The following EPHA6 variants were observed in gnomAD, a reference collection of about 807,000 sequenced individuals.
EPHA6 encodes ephrin type-A receptor 6.
In EPHA6, 50 loss-of-function variants were observed where a neutral mutation model predicts 112.0. The ratio of observed to expected loss-of-function variants is 0.45; its 90% CI spans 0.36 to 0.56. The LOEUF is 0.56. Ranked by LOEUF, EPHA6 falls within the 20% of genes least tolerant of loss-of-function variation. The pLI is 0.00. For synonymous variants in EPHA6, 529 were observed against 490.7 expected (o/e 1.08, Z -1.03); for missense variants, 1,280 against 1,417.4 (o/e 0.90, Z 1.56).
intron 5 of EPHA6, among the ~76,000 whole-genome samples, chr3:97,379,370 A>G (rs141327443): frequency 3.3e-5 from 5 of 152,168 alleles, no homozygotes; most frequent in Non-Finnish European, 5.9e-5. Context: ...GAGAAATAAC[A>G]TATACATAAT....
At chr3:97,697,657 G>A (rs1392282729) in intron 14 of EPHA6, among the ~76,000 whole-genome samples, 1 of 152,178 alleles carries the variant, frequency 6.6e-6, no homozygotes, top group Non-Finnish European at 1.5e-5. Flanking sequence ...GATGAAGGTG[G>A]CATCAAACTG....
intron 3 of EPHA6, among the ~76,000 whole-genome samples, chr3:97,068,083 A>T (rs765285954): frequency 3.6e-5 from 5 of 139,704 alleles, no homozygotes; most frequent in Middle Eastern, 4.0e-3. Context: ...TGAACCTGGG[A>T]GGTGGAGGCT....
At chr3:97,060,130 AAAAAC>A (rs955464976) in intron 3 of EPHA6, among the ~76,000 whole-genome samples, 2 of 152,260 alleles carry the variant, frequency 1.3e-5, no homozygotes, top group Admixed American at 6.5e-5. Context: ...CAAACAAACA[AAAAAC>A]AAAACAAAAC....
intron 2 of EPHA6, among the ~76,000 whole-genome samples, chr3:96,914,417 T>A (rs910253857): frequency 6.6e-6 from 1 of 152,164 alleles, no homozygotes; most frequent in African/African-American, 2.4e-5. Context: ...ACCATTCCTT[T>A]GTAAATAGCA....
intron 3 of EPHA6, among the ~76,000 whole-genome samples, chr3:97,196,360 T>C (rs771571597): frequency 6.6e-6 from 1 of 152,018 alleles, no homozygotes; most frequent in Non-Finnish European, 1.5e-5. Context: ...AATAAACTTA[T>C]CTGACAGGAT....
intron 3 of EPHA6, among the ~76,000 whole-genome samples, chr3:97,137,070 AAAATT>A (rs1576551885): frequency 6.6e-6 from 1 of 152,222 alleles, no homozygotes; most frequent in Admixed American, 6.5e-5. Flanking sequence ...AATATTTAAA[AAAATT>A]AAAAAACAGA....
chr3:96,900,371 AAAATGTAAAAGCTACTGTCTTT>A (rs1377601050), intron 2 of EPHA6, among the ~76,000 whole-genome samples: 1 of 152,230 alleles, frequency 6.6e-6, no homozygotes, highest in Non-Finnish European at 1.5e-5. Flanking sequence ...AATTTGGAAG[AAAATGTAAAAGCTACTGTCTTT>A]AATTTAAAAT....
chr3:97,424,620 A>G (rs1234222370), intron 6 of EPHA6, among the ~76,000 whole-genome samples: 1 of 152,038 alleles, frequency 6.6e-6, no homozygotes, highest in Non-Finnish European at 1.5e-5. Context: ...CCTGGCCAAC[A>G]TAGTGAAACC....
chr3:96,998,045 T>C (rs1315823460), intron 3 of EPHA6, among the ~76,000 whole-genome samples: 1 of 152,000 alleles, frequency 6.6e-6, no homozygotes. Flanking sequence ...TAATACCAAG[T>C]TTAGTCCATA....
At chr3:96,997,576 C>T (rs1280741801) in intron 3 of EPHA6, among the ~76,000 whole-genome samples, 1 of 151,858 alleles carries the variant, frequency 6.6e-6, no homozygotes, top group Admixed American at 6.6e-5. Context: ...CTGGAACACA[C>T]CATATTTATT....
chr3:97,147,263 C>T (rs2076065312), intron 3 of EPHA6, among the ~76,000 whole-genome samples: 1 of 152,072 alleles, frequency 6.6e-6, no homozygotes, highest in South Asian at 2.1e-4. Context: ...CATTTGGGCA[C>T]ATCTAATTTT....
chr3:97,547,060 C>G (rs183559492), intron 11 of EPHA6, among the ~76,000 whole-genome samples: 1 of 152,318 alleles, frequency 6.6e-6, no homozygotes, highest in East Asian at 1.9e-4. Flanking sequence ...CTTCTTCTGT[C>G]AGCTCATCAA....
At chr3:96,920,127 A>C (rs1183307423) in intron 2 of EPHA6, among the ~76,000 whole-genome samples, 3 of 152,060 alleles carry the variant, frequency 2.0e-5, no homozygotes, top group Admixed American at 1.3e-4. Flanking sequence ...TTTTTCTTTT[A>C]ATCATAATAA....
intron 5 of EPHA6, among the ~76,000 whole-genome samples, chr3:97,298,146 A>G (rs927892644): frequency 6.6e-6 from 1 of 152,206 alleles, no homozygotes; most frequent in Non-Finnish European, 1.5e-5. Flanking sequence ...AATCAAACGC[A>G]ATGCCAAATT....
intron 1 of EPHA6, among the ~76,000 whole-genome samples, chr3:96,835,161 A>G (rs2034329767): frequency 6.6e-6 from 1 of 152,120 alleles, no homozygotes; most frequent in Non-Finnish European, 1.5e-5. Flanking sequence ...GAACACAATC[A>G]GCATTTATTA....
At chr3:97,474,303 AATAG>A (rs2091309090) in intron 7 of EPHA6, among the ~76,000 whole-genome samples, 2 of 151,906 alleles carry the variant, frequency 1.3e-5, no homozygotes, top group Admixed American at 6.6e-5. Context: ...TGATAAGATT[AATAG>A]ATATTATTTA....
intron 5 of EPHA6, among the ~76,000 whole-genome samples, chr3:97,257,389 G>C (rs577216880): frequency 6.6e-6 from 1 of 151,834 alleles, no homozygotes; most frequent in Admixed American, 6.6e-5. Context: ...AGACAAGAGC[G>C]ATCAATTCTG....
At chr3:97,008,843 CT>C (rs2043979089) in intron 3 of EPHA6, among the ~76,000 whole-genome samples, 1 of 151,926 alleles carries the variant, frequency 6.6e-6, no homozygotes, top group Admixed American at 6.6e-5. Flanking sequence ...GTTGTTGTCC[CT>C]TTCTGCTTGT....
chr3:97,260,596 GC>G (rs954606690), intron 5 of EPHA6, among the ~76,000 whole-genome samples: 3 of 152,174 alleles, frequency 2.0e-5, no homozygotes, highest in African/African-American at 7.2e-5. Context: ...GGAAGACTTA[GC>G]AAAAATAGTT....
Sources: allele counts gnomAD v4.1 joint callset (sites outside exome capture counted in the v4.1 genomes callset), GRCh38; gene constraint gnomAD v4.1.1; transcripts MANE v1.5; gene names NCBI Gene and HGNC (gene_info 2026-07-23, HGNC 2026-07-21).